TMEFF2: variants seen among roughly 807,000 people sequenced by gnomAD.
TMEFF2 encodes the protein transmembrane protein with EGF like and two follistatin like domains 2, also known as tomoregulin-2.
Under a neutral mutation model 53.8 loss-of-function variants are expected in TMEFF2, and 28 were observed. The observed-to-expected ratio is 0.52, with a 90% CI of 0.39 to 0.71. The LOEUF (loss-of-function observed/expected upper bound fraction) is 0.71. Among genes scored for constraint, TMEFF2 ranks in the 30% least tolerant of loss-of-function variants. The pLI is 0.00. For missense variants in TMEFF2, 353 were observed against 455.2 expected (o/e 0.78, Z 2.04); for synonymous variants, 162 against 166.3 (o/e 0.97, Z 0.20).
At chr2:191,962,481 A>C (rs1187402506) in intron 7 of TMEFF2, among the ~76,000 whole-genome samples, 1 of 152,226 alleles carries the variant, frequency 6.6e-6, no homozygotes, top group Non-Finnish European at 1.5e-5. Context: ...TTAAATTGGA[A>C]AAAGTACCAG....
At position 192,060,087 on chromosome 2, in the gene TMEFF2, T is replaced by C. The variant is rs151329850; in HGVS notation, c.440-2312A>G. Among the ~76,000 whole-genome samples the C allele has an allele frequency of 1.8e-3, 275 of 151,912 alleles. 1 individual carries two copies. The highest frequency in any genetic ancestry group is 2.4e-3 in the Non-Finnish European group (166 of 67,994). ...AAATGCCCTGAGATATCCTTGGAGA[T>C]ACTGAATTGGACTTAGTTTGGGGCT... On this transcript the variant is annotated intron_variant, in intron 4 of 9. Transcript: ENST00000272771.
chr2:191,998,289 C>A lies in TMEFF2; in HGVS notation c.718G>T (p.Gly240Trp). Reference protein sequence around the residue: ...NTTTTTKSEDGHYARTDYAEN... With the variant: ...NTTTTTKSEDWHYARTDYAEN... ...GCATAATCTGTTCTTGCATAATGCC[C>A]ATCTTCAGACTTAGTAGTTGTAGTT... Residue 240 changes from glycine (G) to tryptophan (W), a missense_variant, in exon 7 of 10, where the codon GGG (glycine) becomes TGG (tryptophan). By Grantham distance (184) the Gly-to-Trp change is radical. Transcript: ENST00000272771. The A allele has an allele frequency of 6.3e-7, 1 of 1,598,916 alleles. No homozygotes were observed.
chr2:191,986,992 A>T (rs187189024), intron 7 of TMEFF2, among the ~76,000 whole-genome samples: 136 of 151,998 alleles, frequency 8.9e-4, no homozygotes, highest in Non-Finnish European at 1.7e-3. Flanking sequence ...CCAACTCTGG[A>T]CTCCACAATA....
intron 4 of TMEFF2, among the ~76,000 whole-genome samples, chr2:192,130,603 T>G (rs1168547796): frequency 6.6e-6 from 1 of 152,074 alleles, no homozygotes; most frequent in Non-Finnish European, 1.5e-5. Context: ...GCTCCCCCAC[T>G]GAGCACCTTG....
intron 4 of TMEFF2, among the ~76,000 whole-genome samples, chr2:192,059,241 T>C (rs1323563850): frequency 6.6e-6 from 1 of 151,332 alleles, no homozygotes; most frequent in Non-Finnish European, 1.5e-5. Context: ...AAAGTATTGA[T>C]GGTATAGTTT....
chr2:191,969,043 C>T (rs1202916116), intron 7 of TMEFF2, among the ~76,000 whole-genome samples: 2 of 151,928 alleles, frequency 1.3e-5, no homozygotes, highest in Non-Finnish European at 2.9e-5. Flanking sequence ...ATTATACCCT[C>T]TCTTTGGGCA....
chr2:191,998,561 T>C (rs1485363353), intron 6 of TMEFF2, among the ~76,000 whole-genome samples: 1 of 151,840 alleles, frequency 6.6e-6, no homozygotes, highest in African/African-American at 2.4e-5. Flanking sequence ...CAATTATAAC[T>C]GAGAAAAATT....
At chr2:192,172,723 AT>A (rs1318342817) in intron 4 of TMEFF2, among the ~76,000 whole-genome samples, 2 of 151,938 alleles carry the variant, frequency 1.3e-5, no homozygotes, top group Non-Finnish European at 2.9e-5. Context: ...AGAACAGATG[AT>A]TTCAGAATCA....
At chr2:192,086,388 G>A (rs1377015361) in intron 4 of TMEFF2, among the ~76,000 whole-genome samples, 1 of 152,050 alleles carries the variant, frequency 6.6e-6, no homozygotes, top group Non-Finnish European at 1.5e-5. Flanking sequence ...CTTCTGACAA[G>A]GTTTTTGTCT....
rs535028363 is a variant in TMEFF2, at chr2:192,130,811, C to T, written c.439+48857G>A. Among the ~76,000 whole-genome samples, 26 of 152,000 alleles carry T rather than the reference C, an allele frequency of 1.7e-4. No individual in the cohort carries two copies. In the South Asian group the frequency reaches 5.0e-3, roughly 29 times the overall value. ...GTTTGGTGGTCTCTTCACACGGACA[C>T]GCATGAAATTTGGTGCTGAAACCTG... On this transcript the variant is annotated intron_variant, in intron 4 of 9. Coordinates refer to ENST00000272771, the MANE Select transcript of TMEFF2 (RefSeq NM_016192.4).
chr2:191,971,777 G>C (rs1438899668), intron 7 of TMEFF2, among the ~76,000 whole-genome samples: 2 of 152,136 alleles, frequency 1.3e-5, no homozygotes, highest in East Asian at 3.8e-4. Flanking sequence ...CTCTGGAAGA[G>C]CATGCATATT....
intron 1 of TMEFF2, among the ~76,000 whole-genome samples, chr2:192,193,757 TAGATAG>T (rs1398503229): frequency 0.049 from 1,313 of 26,628 alleles, 36 homozygotes; most frequent in African/African-American, 0.086. Flanking sequence ...GAGAGATAGA[TAGATAG>T]AGAGAGAGAG....
chr2:191,969,120 T>G (rs938584990), intron 7 of TMEFF2, among the ~76,000 whole-genome samples: 4 of 132,040 alleles, frequency 3.0e-5, no homozygotes, highest in Middle Eastern at 7.5e-3. Flanking sequence ...TATGTATGTT[T>G]GTGTATGTGT....
At chr2:192,090,251 T>C (rs1688761215) in intron 4 of TMEFF2, among the ~76,000 whole-genome samples, 1 of 152,114 alleles carries the variant, frequency 6.6e-6, no homozygotes, top group Admixed American at 6.6e-5. Context: ...ACAATAAACA[T>C]GTATTGGCTC....
At chr2:192,018,001 C>T (rs1312009812) in intron 5 of TMEFF2, among the ~76,000 whole-genome samples, 3 of 149,242 alleles carry the variant, frequency 2.0e-5, no homozygotes, top group Non-Finnish European at 3.0e-5. Flanking sequence ...TCTTTACCCT[C>T]ACTTTCTCCA....
intron 8 of TMEFF2, among the ~76,000 whole-genome samples, 163 bp from the exon 9 acceptor site, chr2:191,954,000 G>T (rs535409432): frequency 6.9e-6 from 1 of 145,802 alleles, no homozygotes; most frequent in Admixed American, 7.2e-5. Context: ...CCATTCTCCT[G>T]CCTCAGCCTC....
intron 4 of TMEFF2, among the ~76,000 whole-genome samples, chr2:192,119,425 C>T (rs955129220): frequency 6.6e-6 from 1 of 152,152 alleles, no homozygotes; most frequent in Admixed American, 6.5e-5. Context: ...TAAAGACTTA[C>T]ATAAATTCAT....
intron 4 of TMEFF2, among the ~76,000 whole-genome samples, chr2:192,096,670 C>CTCTTTCTTT (rs61068218): frequency 1.9e-5 from 1 of 53,702 alleles, no homozygotes; most frequent in African/African-American, 1.4e-4. Context: ...CTCTCTCTCT[C>CTCTTTCTTT]TTTTTTTTTT....
intron 4 of TMEFF2, among the ~76,000 whole-genome samples, chr2:192,113,360 A>G (rs1484949045): frequency 1.3e-5 from 2 of 152,150 alleles, no homozygotes; most frequent in African/African-American, 4.8e-5. Flanking sequence ...GAAAAGGTAA[A>G]TTATTTTTTA....
Sources: gnomAD v4.1 joint callset for allele counts (sites outside exome capture counted in the v4.1 genomes callset) on GRCh38, gnomAD v4.1.1 for gene constraint, MANE v1.5 for transcripts, NCBI Gene and HGNC (gene_info 2026-07-23, HGNC 2026-07-21) for gene names.